Variants in PRKAG2 observed in about 807,000 individuals in gnomAD.
The protein encoded by PRKAG2 is 5'-AMP-activated protein kinase subunit gamma-2.
In PRKAG2, 26 loss-of-function variants were observed where a neutral mutation model predicts 69.6. The observed-to-expected ratio is 0.37, with a 90% CI of 0.27 to 0.52. The LOEUF (loss-of-function observed/expected upper bound fraction) is 0.52, where lower values mean the gene tolerates loss of function less well. PRKAG2 is among the 20% of genes least tolerant of loss of function. The pLI is 0.90. For synonymous variants in PRKAG2, 293 were observed against 285.0 expected (o/e 1.03, Z -0.28); for missense variants, 557 against 740.0 (o/e 0.75, Z 2.87).
intron 4 of PRKAG2, among the ~76,000 whole-genome samples, chr7:151,658,202 A>AAAATAC (rs1829775533): frequency 1.2e-5 from 1 of 86,954 alleles, no homozygotes; most frequent in South Asian, 4.5e-4. Flanking sequence ...AATAAGAATA[A>AAAATAC]TAGGGCTGGG....
chr7:151,679,663 C>T (rs948118774), intron 3 of PRKAG2, among the ~76,000 whole-genome samples: 2 of 152,188 alleles, frequency 1.3e-5, no homozygotes, highest in African/African-American at 4.8e-5. Context: ...CTCTGGGGGG[C>T]TGGGGTCTTC....
chr7:151,658,577 T>G (rs1305299146), intron 4 of PRKAG2, among the ~76,000 whole-genome samples: 1 of 152,138 alleles, frequency 6.6e-6, no homozygotes, highest in Non-Finnish European at 1.5e-5. Context: ...AAAATTATTT[T>G]AAGACTGAAA....
intron 3 of PRKAG2, among the ~76,000 whole-genome samples, chr7:151,695,265 T>C (rs1836413581): frequency 6.6e-6 from 1 of 152,210 alleles, no homozygotes; most frequent in African/African-American, 2.4e-5. Context: ...ACCTGTTTCC[T>C]CTTATGTGAC....
intron 1 of PRKAG2, among the ~76,000 whole-genome samples, chr7:151,839,128 G>A (rs190682995): frequency 8.1e-4 from 124 of 152,214 alleles, no homozygotes; most frequent in African/African-American, 2.6e-3. Context: ...GCAGGGGCAC[G>A]TTGGGCTTTA....
chr7:151,816,657 C>G (rs536473414), intron 1 of PRKAG2, among the ~76,000 whole-genome samples: 1 of 152,208 alleles, frequency 6.6e-6, no homozygotes, highest in African/African-American at 2.4e-5. Flanking sequence ...CGCCATTTGG[C>G]GAAGATCGAA....
At chr7:151,766,582 C>T (rs1038210775) in intron 3 of PRKAG2, among the ~76,000 whole-genome samples, 6 of 152,184 alleles carry the variant, frequency 3.9e-5, no homozygotes, top group Non-Finnish European at 7.3e-5. Flanking sequence ...CTGGCTCAGG[C>T]CACTTTAGAA....
chr7:151,668,688 T>A (rs957089793), intron 4 of PRKAG2, among the ~76,000 whole-genome samples: 1 of 152,336 alleles, frequency 6.6e-6, no homozygotes, highest in South Asian at 2.1e-4. Context: ...GGGCAAATTC[T>A]GGGGCAATTT....
At chr7:151,661,346 T>G (rs1830289433) in intron 4 of PRKAG2, among the ~76,000 whole-genome samples, 1 of 152,062 alleles carries the variant, frequency 6.6e-6, no homozygotes, top group African/African-American at 2.4e-5. Context: ...CCCGGCTAAT[T>G]TTTATGTTTT....
At position 151,780,237 on chromosome 7, in the gene PRKAG2, C is replaced by T. The variant is rs1056194937; in HGVS notation, c.466+915G>A. Among the ~76,000 whole-genome samples the T allele has an allele frequency of 3.3e-5, 5 of 152,204 alleles. No individual in the cohort carries two copies. Among genetic ancestry groups the T allele is most frequent in the East Asian group, 1.9e-4 (1 of 5,190 alleles). On this transcript the variant is annotated intron_variant, in intron 3 of 15. Transcript: ENST00000287878. This position sits in a 1 kb window ranked among gnomAD's most constrained non-coding sequence, Gnocchi z 4.2. ...GCCACTGCTGCCTGATGGAAGAGTT[C>T]GAAGTCAGAAACACCGAAATTCCCC... is the stretch of plus-strand genomic sequence containing the variant.
At chr7:151,665,090 A>T (rs1287861056) in intron 4 of PRKAG2, among the ~76,000 whole-genome samples, 1 of 152,206 alleles carries the variant, frequency 6.6e-6, no homozygotes, top group Non-Finnish European at 1.5e-5. Context: ...GTGAAGAGGC[A>T]GGATGCACCC....
chr7:151,589,658 G>A lies in PRKAG2; in HGVS notation c.864+5687C>T, dbSNP rs112405680. Among the ~76,000 whole-genome samples the A allele has an allele frequency of 7.0e-3, 1,067 of 152,334 alleles. 19 individuals carry two copies. Among genetic ancestry groups the A allele is most frequent in the African/African-American group, 0.024 (1,008 of 41,562 alleles). On this transcript the variant is annotated intron_variant, in intron 6 of 15. Coordinates refer to ENST00000287878, the MANE Select transcript of PRKAG2 (RefSeq NM_016203.4). ...TGATCAAGAAACTGGCACCACGGCC[G>A]GGCACGGTGGCTCACACCTGTAGTC...
At chr7:151,754,751 T>G (rs2074961429) in intron 3 of PRKAG2, among the ~76,000 whole-genome samples, 1 of 94,666 alleles carries the variant, frequency 1.1e-5, no homozygotes, top group Non-Finnish European at 2.1e-5. Context: ...CTCCAGGCCC[T>G]AACTTCGAGT....
intron 1 of PRKAG2, among the ~76,000 whole-genome samples, chr7:151,871,576 A>G (rs2080220675): frequency 6.6e-6 from 1 of 152,232 alleles, no homozygotes; most frequent in Admixed American, 6.5e-5. Flanking sequence ...CGTTAGGTCC[A>G]AGGGCCACGT....
intron 3 of PRKAG2, among the ~76,000 whole-genome samples, chr7:151,742,573 G>A (rs561676029): frequency 6.6e-6 from 1 of 151,822 alleles, no homozygotes; most frequent in South Asian, 2.1e-4. Context: ...GCAGTGAACC[G>A]AGATTGTGCC....
At position 151,689,407 on chromosome 7, in the gene PRKAG2, A is replaced by G. The variant is rs561082488; in HGVS notation, c.467-13770T>C. Among the ~76,000 whole-genome samples, 11 of 152,282 alleles carry G rather than the reference A, an allele frequency of 7.2e-5. No individual in the cohort carries two copies. The East Asian group carries it at 2.1e-3, about 29-fold the overall frequency. The stretch of plus-strand genomic sequence containing the variant: ...CCATCCCCTCCTGGAAGTGTATCCC[A>G]AGCCATTTCCAGGTGTACAGCTCTC... On this transcript the variant is annotated intron_variant, in intron 3 of 15. Transcript: ENST00000287878.
intron 5 of PRKAG2, among the ~76,000 whole-genome samples, chr7:151,599,560 G>A (rs758853011): frequency 6.6e-6 from 1 of 152,142 alleles, no homozygotes; most frequent in Non-Finnish European, 1.5e-5. Context: ...TTTCCACTGG[G>A]GGTGGTAGTG....
chr7:151,762,482 G>A (rs1197859727), intron 3 of PRKAG2, among the ~76,000 whole-genome samples: 1 of 152,216 alleles, frequency 6.6e-6, no homozygotes. Context: ...CCACCACTGA[G>A]AGGCAGTGTC....
rs114356815 is a variant in PRKAG2 at position 151,855,975 on chromosome 7, C to T, written c.114+20532G>A. Among the ~76,000 whole-genome samples, 198 of 152,322 alleles carry T rather than the reference C, an allele frequency of 1.3e-3. 1 individual carries two copies. The highest frequency in any genetic ancestry group is 4.6e-3 in the African/African-American group (191 of 41,560). Reference sequence around the variant, plus strand: ...GTAGCCACAGGAAGATAAAGTAAGGCGGTCTCTGGAGAGAGGTTAAGACAC... The same window carrying T: ...GTAGCCACAGGAAGATAAAGTAAGGTGGTCTCTGGAGAGAGGTTAAGACAC... On this transcript the variant is annotated intron_variant, in intron 1 of 15. Transcript: ENST00000287878.
At chr7:151,797,657 CTGCTCTG>C (rs2077624721) in intron 1 of PRKAG2, among the ~76,000 whole-genome samples, 1 of 152,206 alleles carries the variant, frequency 6.6e-6, no homozygotes, top group Admixed American at 6.5e-5. Context: ...TTTCACCCAC[CTGCTCTG>C]TGCCAGGCAC....
Sources: gnomAD v4.1 joint callset for allele counts (sites outside exome capture counted in the v4.1 genomes callset) on GRCh38, gnomAD v4.1.1 for gene constraint, Gnocchi (gnomAD v3.1) non-coding constraint, MANE v1.5 for transcripts, NCBI Gene and HGNC (gene_info 2026-07-23, HGNC 2026-07-21) for gene names.